ALG9: variants seen among roughly 807,000 people sequenced by gnomAD.
The protein encoded by ALG9 is alpha-1,2-mannosyltransferase ALG9.
ALG9 carries 55 observed loss-of-function variants against 81.8 expected under a neutral mutation model. The observed-to-expected ratio is 0.67, with a 90% CI of 0.54 to 0.84. The LOEUF is 0.84. ALG9 is among the 40% of genes least tolerant of loss of function. The pLI is 0.00. For synonymous variants in ALG9, 278 were observed against 274.3 expected, an observed-to-expected ratio of 1.01 and a Z score of -0.13; for missense variants, 629 against 745.0, an observed-to-expected ratio of 0.84 and a Z score of 1.81.
At chr11:111,838,513 T>C (rs1555120093) in intron 10 of ALG9, 114 bp from the exon 11 acceptor site, 1 of 914,172 alleles carries the variant, frequency 1.1e-6, no homozygotes, top group African/African-American at 1.7e-5. Context: ...TTGCCAACAG[T>C]GAGGTACCTA....
intron 1 of ALG9, chr11:111,870,683 C>T (rs1408204463): frequency 1.0e-5 from 10 of 952,616 alleles, no homozygotes; most frequent in Non-Finnish European, 1.3e-5. Flanking sequence ...TCACTCCTTC[C>T]ACTTCCTGCT....
At chr11:111,798,190 G>A (rs536470061) in intron 14 of ALG9, 267 of 322,730 alleles carry the variant, frequency 8.3e-4, no homozygotes, top group African/African-American at 5.4e-3. Context: ...GCAACAGAGC[G>A]AGACCCTGTC....
chr11:111,837,134 G>A (rs1291267108), intron 12 of ALG9, among the ~76,000 whole-genome samples: 1 of 152,158 alleles, frequency 6.6e-6, no homozygotes, highest in Non-Finnish European at 1.5e-5. Flanking sequence ...TTTAGAAGAG[G>A]ATTAACATCA....
rs782085471 is a variant in ALG9, at chr11:111,868,683, T to C, written c.324A>G (p.Ala108=). The C allele has an allele frequency of 1.2e-6, 2 of 1,613,756 alleles. No homozygotes were observed. Among genetic ancestry groups the C allele is most frequent in the Non-Finnish European group, 1.7e-6 (2 of 1,179,800 alleles). ...GGTAAGCATAGGAGCGAATGGCATA[T>C]GCTGGGGAATATTCCCAAGTCTGAA... ...EGFQTWEYSP[A]YAIRSYAYLL... The change falls in exon 3 of 15, where the codon GCA becomes GCG. Residue 108 remains alanine (A), a synonymous_variant. Coordinates refer to ENST00000616540, the MANE Select transcript of ALG9 (RefSeq NM_024740.2).
chr11:111,804,632 G>A (rs1042143740), intron 14 of ALG9, among the ~76,000 whole-genome samples: 24 of 152,054 alleles, frequency 1.6e-4, no homozygotes, highest in African/African-American at 4.6e-4. Flanking sequence ...ATGAACAACC[G>A]GATTAAAAAA....
intron 14 of ALG9, among the ~76,000 whole-genome samples, chr11:111,808,075 T>A (rs950839657): frequency 2.6e-5 from 4 of 152,052 alleles, no homozygotes; most frequent in African/African-American, 4.8e-5. Flanking sequence ...TCAAAAAAAA[T>A]TTTTGTTGCT....
intron 13 of ALG9, among the ~76,000 whole-genome samples, chr11:111,823,177 A>G (rs548183043): frequency 8.5e-5 from 13 of 152,210 alleles, no homozygotes; most frequent in Non-Finnish European, 1.9e-4. Context: ...AGCTTAACCT[A>G]GGCTCAGAGA....
At chr11:111,869,115 G>A (rs1469203099) in intron 2 of ALG9, among the ~76,000 whole-genome samples, 1 of 151,974 alleles carries the variant, frequency 6.6e-6, no homozygotes, top group South Asian at 2.1e-4. Context: ...TGCAATTGAT[G>A]GATAAAAAAG....
At chr11:111,846,062 T>C (rs1248129734) in intron 8 of ALG9, among the ~76,000 whole-genome samples, 4 of 152,234 alleles carry the variant, frequency 2.6e-5, no homozygotes, top group African/African-American at 9.6e-5. Context: ...CAAATATGCA[T>C]TTGGGTTATA....
chr11:111,856,701 A>T (rs1555143429), intron 6 of ALG9, among the ~76,000 whole-genome samples: 1 of 151,990 alleles, frequency 6.6e-6, no homozygotes, highest in Non-Finnish European at 1.5e-5. Context: ...TATTTTCCTA[A>T]ATTACCTGTG....
At chr11:111,828,894 G>A (rs1953842966) in intron 13 of ALG9, 1 of 152,120 alleles carries the variant, frequency 6.6e-6, no homozygotes, top group Non-Finnish European at 1.5e-5. Context: ...GTATATCCCA[G>A]AACTTCTCTG....
At chr11:111,795,552 G>A (rs1948144490) in intron 14 of ALG9, among the ~76,000 whole-genome samples, 1 of 152,208 alleles carries the variant, frequency 6.6e-6, no homozygotes. Flanking sequence ...CATGTGACCA[G>A]TATGATATTT....
At chr11:111,868,346 T>C (rs1963166820) in intron 3 of ALG9, among the ~76,000 whole-genome samples, 1 of 152,270 alleles carries the variant, frequency 6.6e-6, no homozygotes, top group Non-Finnish European at 1.5e-5. Context: ...ATTTGTTCAA[T>C]GTTCATCTTC....
intron 9 of ALG9, among the ~76,000 whole-genome samples, chr11:111,842,748 T>C (rs1199969865): frequency 6.6e-6 from 1 of 152,046 alleles, no homozygotes; most frequent in Admixed American, 6.6e-5. Context: ...AAAGTATTGG[T>C]TCTATTCTAA....
chr11:111,864,994 C>G (rs1961819913), intron 4 of ALG9, among the ~76,000 whole-genome samples, 187 bp downstream of exon 4: 1 of 152,174 alleles, frequency 6.6e-6, no homozygotes, highest in Non-Finnish European at 1.5e-5. Flanking sequence ...TCAGGCTGGT[C>G]TCAAACTCTC....
downstream of ALG9, among the ~76,000 whole-genome samples, chr11:111,779,148 T>G (rs1332395817): frequency 6.6e-6 from 1 of 152,030 alleles, no homozygotes; most frequent in Non-Finnish European, 1.5e-5. Context: ...CCCCAGATTC[T>G]GTCTCGTGTA....
rs782747060 is a variant in ALG9, at chr11:111,809,773, T to C, written c.1603A>G (p.Ile535Val). ...AAATAATGGCATTTACTGATATCAA[T>C]CTGAAATGGAGAAAGGCCAACTCTT... ...DQNLEEPSRY[I>V]DISKCHYLVD... Residue 535 changes from isoleucine to valine, a missense_variant and splice_region_variant, in exon 14 of 15, where the codon ATT (isoleucine) becomes GTT (valine). Ile to Val is a conservative substitution (Grantham distance 29). Around this residue, in one of 3 missense-constraint regions of ALG9, gnomAD observed 264 missense variants for 302.2 expected, o/e 0.87. Coordinates refer to ENST00000616540, the MANE Select transcript of ALG9 (RefSeq NM_024740.2). The C allele has an allele frequency of 1.9e-6, 3 of 1,613,902 alleles. No homozygotes were observed. Among genetic ancestry groups the C allele is most frequent in the South Asian group, 2.2e-5 (2 of 91,080 alleles).
intron 14 of ALG9, among the ~76,000 whole-genome samples, chr11:111,808,997 G>A (rs1401015637): frequency 2.0e-5 from 3 of 152,182 alleles, no homozygotes; most frequent in Non-Finnish European, 4.4e-5. Context: ...TAATGAACAT[G>A]AACTTCTAGT....
At chr11:111,846,538 G>A (rs1292111974) in intron 8 of ALG9, among the ~76,000 whole-genome samples, 1 of 152,152 alleles carries the variant, frequency 6.6e-6, no homozygotes, top group African/African-American at 2.4e-5. Context: ...AAAGTATTAA[G>A]CTGGTAAATG....
Sources: allele counts gnomAD v4.1 joint callset (sites outside exome capture counted in the v4.1 genomes callset), GRCh38; gene constraint gnomAD v4.1.1; regional missense constraint gnomAD v4.1.1; transcripts MANE v1.5; gene names NCBI Gene and HGNC (gene_info 2026-07-23, HGNC 2026-07-21).